The following ATG9A variants were observed in gnomAD, a reference collection of about 807,000 sequenced individuals.
ATG9A encodes the protein autophagy-related protein 9A.
ATG9A carries 21 observed loss-of-function variants against 87.1 expected under a neutral mutation model. That is an observed-to-expected ratio of 0.24 (90% CI 0.17 to 0.35). ATG9A has a LOEUF of 0.35. ATG9A is among the 10% of genes least tolerant of loss of function. The probability of loss-of-function intolerance (pLI) is 1.00; values close to 1 mark genes in which losing one functional copy is unlikely to be tolerated. For missense variants in ATG9A, 836 were observed against 1,107.3 expected, an observed-to-expected ratio of 0.76 and a Z score of 3.48; for synonymous variants, 422 against 441.3, an observed-to-expected ratio of 0.96 and a Z score of 0.55.
chr2:219,225,469 C>G lies in ATG9A; in HGVS notation c.316G>C (p.Glu106Gln), dbSNP rs1178821487. Residue 106 changes from glutamate (E) to glutamine (Q), a missense_variant, in exon 6 of 16, where the codon GAA (glutamate) becomes CAA (glutamine). Physicochemically the swap from Glu to Gln is conservative, Grantham distance 29. Transcript: ENST00000361242. The part of the protein sequence containing the change: ...KMVNHSLHPT[E>Q]PVKVTLPDAF... ...TCTGGCAGAGTGACCTTGACGGGTT[C>G]AGTAGGGTGAAGACTGTGGTTCACC... is the stretch of plus-strand genomic sequence containing the variant. 4 of 1,614,066 alleles carry G rather than the reference C, an allele frequency of 2.5e-6. No individual in the cohort carries two copies. In the African/African-American group the frequency reaches 5.3e-5, roughly 22 times the overall value.
chr2:219,227,879 C>T lies in ATG9A; in HGVS notation c.103+43G>A, dbSNP rs186205160. 139 of 1,612,974 alleles carry T rather than the reference C, an allele frequency of 8.6e-5. No individual in the cohort carries two copies. In the African/African-American group the frequency reaches 1.7e-3, roughly 19 times the overall value. On this transcript the variant is annotated intron_variant, in intron 3 of 15. Coordinates refer to ENST00000361242, the MANE Select transcript of ATG9A (RefSeq NM_001077198.3). Reference sequence around the variant, plus strand: ...ACAAGCCCCTTGCTCTCTCCATGTTCTTCCATCAACTCTCCCTATGGCTGT... The same window carrying T: ...ACAAGCCCCTTGCTCTCTCCATGTTTTTCCATCAACTCTCCCTATGGCTGT...
intron 14 of ATG9A, 88 bp downstream of exon 14, chr2:219,220,992 T>G: frequency 6.3e-7 from 1 of 1,591,840 alleles, no homozygotes; most frequent in Non-Finnish European, 8.6e-7. Flanking sequence ...GGGCCTGTTC[T>G]CTCAGACCTC....
At position 219,222,291 on chromosome 2, in the gene ATG9A, T is replaced by C; in HGVS notation, c.2008A>G (p.Ser670Gly). The C allele has an allele frequency of 6.2e-7, 1 of 1,613,450 alleles. No homozygotes were observed. The highest frequency in any genetic ancestry group is 1.1e-5 in the South Asian group (1 of 91,078). ...ACTCACCCAGAGCCTGTCATGGTGC[T>C]GTGAGCCCGGCCTGTGGGCGCCTGC... The part of the protein sequence containing the change: ...PGQAPTGRAH[S>G]TMTGSGVDAR... Residue 670 changes from serine (S) to glycine (G), a missense_variant, in exon 12 of 16, where the codon AGC becomes GGC. Physicochemically the swap from Ser to Gly is moderately conservative, Grantham distance 56. This residue lies in a region of ATG9A where 324 missense variants were observed against 347.6 expected (regional missense o/e 0.93). Transcript: ENST00000361242. This position sits in a 1 kb window ranked among gnomAD's most constrained non-coding sequence, Gnocchi z 4.3.
chr2:219,220,279 G>A lies in ATG9A; in HGVS notation c.*168C>T. The stretch of plus-strand genomic sequence containing the variant: ...CTAGGCCCCAAATTCCTCTCCTGGG[G>A]CTGTGGCAAGCCCAGTGTTGGCACC... On this transcript the variant is annotated 3_prime_UTR_variant, in exon 16 of 16. Transcript: ENST00000361242. 1.2e-6 allele frequency: 1 copy of A among 843,710 alleles called. No homozygotes were observed. Among genetic ancestry groups the A allele is most frequent in the Non-Finnish European group, 1.8e-6 (1 of 548,566 alleles). The allele number at this position is 843,710 out of a possible 1,614,324, so 52.3% of individuals were successfully genotyped here.
rs1950954371 is a variant in ATG9A, at chr2:219,229,373, T to C, written c.-82+162A>G. The stretch of plus-strand genomic sequence containing the variant: ...CCCGGCGCCCGCGCGCGCCCCCGTC[T>C]GCGCGCGCCAGCAATCAAAACATTC... On this transcript the variant is annotated intron_variant, in intron 1 of 15. Transcript: ENST00000361242. The surrounding 1 kb of genome is among the most constrained non-coding windows in gnomAD (Gnocchi z 4.2). 6.6e-6 allele frequency: 1 copy of C among 151,372 alleles called. No individual in the cohort carries two copies. Among genetic ancestry groups the C allele is most frequent in the African/African-American group, 2.4e-5 (1 of 41,192 alleles). The allele number at this position is 151,372 out of a possible 1,614,324, so 9.4% of individuals were successfully genotyped here. A position where few individuals can be genotyped will look rare whatever the true frequency, so the allele number is the denominator to read the frequency against.
At chr2:219,221,347 A>G in intron 13 of ATG9A, 45 bp from the exon 14 acceptor site, 1 of 1,476,050 alleles carries the variant, frequency 6.8e-7, no homozygotes, top group Non-Finnish European at 9.0e-7. Context: ...ACGGATGTCC[A>G]TCTGAAACAG....
Position 219,224,837 on chromosome 2 carries a change from G to A in ATG9A, c.534C>T (p.Cys178=), listed in dbSNP as rs1280311784. The A allele has an allele frequency of 6.2e-7, 1 of 1,610,220 alleles. No homozygotes were observed. Among genetic ancestry groups the A allele is most frequent in the Non-Finnish European group, 8.5e-7 (1 of 1,178,940 alleles). Residue 178 remains cysteine (C), a synonymous_variant, in exon 8 of 16, where the codon TGC becomes TGT. Coordinates refer to ENST00000361242, the MANE Select transcript of ATG9A (RefSeq NM_001077198.3). The surrounding 1 kb of genome is among the most constrained non-coding windows in gnomAD (Gnocchi z 7.7). The stretch of plus-strand genomic sequence containing the variant: ...TCCGGGCCTGCACTTCTTGCCACGT[G>A]CAATACGGAAGGGCAGACTGCGGGG... ...LRIPMSALPY[C]TWQEVQARIV...
In ATG9A at chr2:219,222,007, C is replaced by T; in HGVS notation, c.2145+43G>A. 6.4e-7 allele frequency: 1 copy of T among 1,557,626 alleles called. No homozygotes were observed. The highest frequency in any genetic ancestry group is 1.2e-5 in the South Asian group (1 of 86,474). ...GGTTTGGAACCCCGGTCTTGCTTCT[C>T]CGCATCTAAACCCTCTACTCTCTTT... On this transcript the variant is annotated intron_variant, in intron 13 of 15. Transcript: ENST00000361242. This position sits in a 1 kb window ranked among gnomAD's most constrained non-coding sequence, Gnocchi z 4.3.
In ATG9A at chr2:219,223,608, C is replaced by A; in HGVS notation, c.1576G>T (p.Val526Phe). Residue 526 changes from valine (V) to phenylalanine (F), a missense_variant, in exon 10 of 16, where the codon GTT (valine) becomes TTT (phenylalanine). Physicochemically the swap from Val to Phe is conservative, Grantham distance 50 (BLOSUM62 -1). Coordinates refer to ENST00000361242, the MANE Select transcript of ATG9A (RefSeq NM_001077198.3). The surrounding 1 kb of genome is among the most constrained non-coding windows in gnomAD (Gnocchi z 4.7). ...ACCTGGGGATGACCATGCTGGCGAACATCCATCTGAGCAAAGGAGCAGGTA... is the reference window on the plus strand; with the variant it reads ...ACCTGGGGATGACCATGCTGGCGAAAATCCATCTGAGCAAAGGAGCAGGTA... ...GDTCSFAQMD[V>F]RQHGHPQWLS... The A allele has an allele frequency of 6.2e-7, 1 of 1,610,006 alleles. No individual in the cohort carries two copies. The highest frequency in any genetic ancestry group is 8.5e-7 in the Non-Finnish European group (1 of 1,177,654).
chr2:219,220,791 G>A lies in ATG9A; in HGVS notation c.2470C>T (p.Pro824Ser), dbSNP rs1165325760. 1 of 1,613,426 alleles carries A rather than the reference G, an allele frequency of 6.2e-7. No individual in the cohort carries two copies. Among genetic ancestry groups the A allele is most frequent in the Non-Finnish European group, 8.5e-7 (1 of 1,179,980 alleles). The change falls in exon 15 of 16, where the codon CCC becomes TCC. Residue 824 changes from proline (P) to serine (S), a missense_variant. This residue lies in a region of ATG9A where 324 missense variants were observed against 347.6 expected (regional missense o/e 0.93). Coordinates refer to ENST00000361242, the MANE Select transcript of ATG9A (RefSeq NM_001077198.3). ...QSASRHPEPV[P>S]EEGSEDELPP... ...AGCTCATCCTCCGAGCCCTCTTCGG[G>A]CACGGGCTCAGGGTGCCTTGATGCC...
Position 219,224,523 on chromosome 2 carries a change from G to T in ATG9A, c.848C>A (p.Ala283Asp). The part of the protein sequence containing the change: ...YKRGGQRLEL[A>D]QRLSNRILWI... ...CAGGATGCGGTTGCTGAGGCGCTGG[G>T]CCAGCTCTAGCCGTTGCCCCCCACG... Residue 283 changes from alanine to aspartate, a missense_variant, in exon 8 of 16, where the codon GCC (alanine) becomes GAC (aspartate). Physicochemically the swap from Ala to Asp is moderately radical, Grantham distance 126. Coordinates refer to ENST00000361242, the MANE Select transcript of ATG9A (RefSeq NM_001077198.3). This position sits in a 1 kb window ranked among gnomAD's most constrained non-coding sequence, Gnocchi z 7.7. The T allele has an allele frequency of 6.2e-7, 1 of 1,614,102 alleles. No individual in the cohort carries two copies.
chr2:219,228,913 G>A (rs1950933790), intron 1 of ATG9A: 1 of 152,316 alleles, frequency 6.6e-6, no homozygotes, highest in Admixed American at 6.5e-5. Context: ...CCTTCTGGAT[G>A]GGAAACCTTG....
chr2:219,222,471 T>C lies in ATG9A; in HGVS notation c.1849-21A>G, dbSNP rs570817046. ...AGGGGCTATGAACGAAACGGGTAGG[T>C]AGAATTCTTGAGGCAAGAGAAAGGT... is the stretch of plus-strand genomic sequence containing the variant. On this transcript the variant is annotated intron_variant, in intron 11 of 15. Coordinates refer to ENST00000361242, the MANE Select transcript of ATG9A (RefSeq NM_001077198.3). This position sits in a 1 kb window ranked among gnomAD's most constrained non-coding sequence, Gnocchi z 4.3. The C allele has an allele frequency of 1.3e-6, 2 of 1,544,974 alleles. No individual in the cohort carries two copies. Among genetic ancestry groups the C allele is most frequent in the African/African-American group, 2.8e-5 (2 of 72,644 alleles).
intron 5 of ATG9A, among the ~76,000 whole-genome samples, chr2:219,226,008 A>T (rs1344656175): frequency 1.3e-5 from 2 of 152,218 alleles, no homozygotes; most frequent in African/African-American, 2.4e-5. Flanking sequence ...GCCATGGAAC[A>T]GGCAAGGCAG....
chr2:219,226,011 C>G (rs1328490162), intron 5 of ATG9A, among the ~76,000 whole-genome samples: 2 of 152,234 alleles, frequency 1.3e-5, no homozygotes, highest in Non-Finnish European at 2.9e-5. Context: ...ATGGAACAGG[C>G]AAGGCAGAAC....
chr2:219,226,901 T>C lies in ATG9A; in HGVS notation c.180A>G (p.Thr60=), dbSNP rs1950872197. The change falls in exon 5 of 16, where the codon ACA becomes ACG. Residue 60 remains threonine (T), a synonymous_variant. Transcript: ENST00000361242. ...VYNLHQKNGF[T]CMLIGEIFEL... ...CAAAGATCTCCCCGATGAGCATACA[T>C]GTGAAGCCATTCTTCTGGTGCAGAT... is the stretch of plus-strand genomic sequence containing the variant. The C allele has an allele frequency of 2.5e-6, 4 of 1,613,808 alleles. No homozygotes were observed. The highest frequency in any genetic ancestry group is 3.4e-6 in the Non-Finnish European group (4 of 1,179,650).
In ATG9A at chr2:219,224,822, C is replaced by T. The variant is rs3821036; in HGVS notation, c.549G>A (p.Val183=). 1.0e-3 allele frequency: 1,633 copies of T among 1,613,980 alleles called. 38 individuals carry two copies. The East Asian group carries it at 0.035, about 34-fold the overall frequency. The change falls in exon 8 of 16, where the codon GTG becomes GTA. Residue 183 remains valine (V), a synonymous_variant. Coordinates refer to ENST00000361242, the MANE Select transcript of ATG9A (RefSeq NM_001077198.3). The surrounding 1 kb of genome is among the most constrained non-coding windows in gnomAD (Gnocchi z 7.7). The part of the protein sequence containing the change: ...SALPYCTWQE[V]QARIVQTQKE... ...TCTGCGTCTGCACGATCCGGGCCTGCACTTCTTGCCACGTGCAATACGGAA... is the reference window on the plus strand; with the variant it reads ...TCTGCGTCTGCACGATCCGGGCCTGTACTTCTTGCCACGTGCAATACGGAA...
chr2:219,224,289 G>A lies in ATG9A; in HGVS notation c.1082C>T (p.Ala361Val). 6.2e-7 allele frequency: 1 copy of A among 1,613,982 alleles called. No individual in the cohort carries two copies. Among genetic ancestry groups the A allele is most frequent in the Non-Finnish European group, 8.5e-7 (1 of 1,180,042 alleles). The change falls in exon 8 of 16, where the codon GCC becomes GTC. Residue 361 changes from alanine (A) to valine (V), a missense_variant. Physicochemically the swap from Ala to Val is moderately conservative, Grantham distance 64. Coordinates refer to ENST00000361242, the MANE Select transcript of ATG9A (RefSeq NM_001077198.3). This position sits in a 1 kb window ranked among gnomAD's most constrained non-coding sequence, Gnocchi z 7.7. ...QSRLNRGYKP[A>V]SKYMNCFLSP... ...CAAGAAGCAATTCATGTACTTGGAG[G>A]CGGGCTTGTAGCCACGGTTGAGGCG...
At position 219,222,502 on chromosome 2, in the gene ATG9A, G is replaced by C. The variant is rs780558278; in HGVS notation, c.1849-52C>G. ...TCTTGAGGCAAGAGAAAGGTCTCTG[G>C]GGTCCCCTAGTATTCTGTATCTCAG... is the stretch of plus-strand genomic sequence containing the variant. On this transcript the variant is annotated intron_variant, in intron 11 of 15. Transcript: ENST00000361242. The surrounding 1 kb of genome is among the most constrained non-coding windows in gnomAD (Gnocchi z 4.3). The C allele has an allele frequency of 1.3e-6, 2 of 1,546,078 alleles. No individual in the cohort carries two copies. The highest frequency in any genetic ancestry group is 2.0e-5 in the Admixed American group (1 of 51,052).
Sources: gnomAD v4.1 joint callset for allele counts (sites outside exome capture counted in the v4.1 genomes callset) on GRCh38, gnomAD v4.1.1 for gene constraint, gnomAD v4.1.1 regional missense constraint, Gnocchi (gnomAD v3.1) non-coding constraint, MANE v1.5 for transcripts, NCBI Gene and HGNC (gene_info 2026-07-23, HGNC 2026-07-21) for gene names.